CTNND2: variants seen among roughly 807,000 people sequenced by gnomAD.
The protein encoded by CTNND2 is catenin delta-2.
A neutral mutation model predicts 144.4 loss-of-function variants in CTNND2; 22 were observed. The ratio of observed to expected loss-of-function variants is 0.15; its 90% confidence interval spans 0.11 to 0.22. The LOEUF (loss-of-function observed/expected upper bound fraction) is 0.22. Ranked by LOEUF, CTNND2 falls within the 10% of genes least tolerant of loss-of-function variation. The pLI is 1.00. For synonymous variants in CTNND2, 751 were observed against 695.6 expected (o/e 1.08, Z -1.25); for missense variants, 1,353 against 1,618.8 (o/e 0.84, Z 2.82).
chr5:11,479,564 T>C (rs900742024), intron 3 of CTNND2, among the ~76,000 whole-genome samples: 1 of 152,200 alleles, frequency 6.6e-6, no homozygotes, highest in African/African-American at 2.4e-5. Flanking sequence ...AGCTCTTTGA[T>C]GAATTGCCAC....
chr5:11,667,006 G>C (rs1313765331), intron 2 of CTNND2, among the ~76,000 whole-genome samples: 1 of 151,950 alleles, frequency 6.6e-6, no homozygotes, highest in East Asian at 1.9e-4. Flanking sequence ...TTAGGAGTGA[G>C]AACATGCAGT....
chr5:11,606,436 A>G (rs1049962553), intron 2 of CTNND2, among the ~76,000 whole-genome samples: 5 of 152,180 alleles, frequency 3.3e-5, no homozygotes, highest in African/African-American at 1.2e-4. Flanking sequence ...GCAGTAAGGG[A>G]AAGAGACACA....
At chr5:11,866,714 C>T (rs962364106) in intron 1 of CTNND2, among the ~76,000 whole-genome samples, 1 of 152,212 alleles carries the variant, frequency 6.6e-6, no homozygotes, top group African/African-American at 2.4e-5. Flanking sequence ...AATGTAATCA[C>T]CTTTCCCATG....
intron 3 of CTNND2, among the ~76,000 whole-genome samples, chr5:11,506,707 G>A (rs26162): frequency 0.4 from 60,242 of 151,958 alleles, 12,200 homozygotes; most frequent in South Asian, 0.46. Flanking sequence ...AACATTTATT[G>A]TAAACACTAT....
chr5:11,643,726 TGA>T (rs954993543), intron 2 of CTNND2, among the ~76,000 whole-genome samples: 7 of 152,150 alleles, frequency 4.6e-5, no homozygotes, highest in African/African-American at 1.4e-4. Flanking sequence ...CTTATTATTG[TGA>T]GAGACCAAAA....
At chr5:11,438,040 A>G (rs1451376127) in intron 3 of CTNND2, among the ~76,000 whole-genome samples, 1 of 152,202 alleles carries the variant, frequency 6.6e-6, no homozygotes, top group Non-Finnish European at 1.5e-5. Flanking sequence ...GAAGAACCTG[A>G]TGATCTAACC....
intron 11 of CTNND2, among the ~76,000 whole-genome samples, chr5:11,198,991 T>C (rs1228956675): frequency 6.6e-6 from 1 of 152,260 alleles, no homozygotes; most frequent in African/African-American, 2.4e-5. Flanking sequence ...TAATATGTAA[T>C]AATTGTGACT....
intron 12 of CTNND2, among the ~76,000 whole-genome samples, chr5:11,128,402 A>G (rs141938074): frequency 6.6e-6 from 1 of 152,178 alleles, no homozygotes; most frequent in Non-Finnish European, 1.5e-5. Context: ...AAGGAGAACG[A>G]TCCCACCAGC....
chr5:11,187,141 C>T (rs1288652264), intron 11 of CTNND2, among the ~76,000 whole-genome samples: 1 of 152,062 alleles, frequency 6.6e-6, no homozygotes. Flanking sequence ...TACTCTGTGA[C>T]AAAGGTAATA....
chr5:11,834,258 G>A (rs1794055987), intron 1 of CTNND2, among the ~76,000 whole-genome samples: 1 of 152,150 alleles, frequency 6.6e-6, no homozygotes, highest in South Asian at 2.1e-4. Flanking sequence ...TAAATGCAAA[G>A]TAACATCATA....
intron 3 of CTNND2, among the ~76,000 whole-genome samples, chr5:11,457,601 C>T (rs1765846243): frequency 6.6e-6 from 1 of 152,114 alleles, no homozygotes; most frequent in Admixed American, 6.5e-5. Context: ...AATCTGTATA[C>T]TCCTTGATTC....
chr5:11,180,137 G>T (rs141345052), intron 11 of CTNND2, among the ~76,000 whole-genome samples: 1 of 152,120 alleles, frequency 6.6e-6, no homozygotes, highest in African/African-American at 2.4e-5. Flanking sequence ...TGCATCATGG[G>T]GGGTGGTTTC....
chr5:11,701,611 T>C (rs527600341), intron 2 of CTNND2, among the ~76,000 whole-genome samples: 5 of 152,292 alleles, frequency 3.3e-5, no homozygotes, highest in Non-Finnish European at 1.5e-5. Flanking sequence ...CTTCATTTAC[T>C]ATAACCTAGT....
chr5:10,977,939 G>T (rs751276564), intron 21 of CTNND2, among the ~76,000 whole-genome samples: 2 of 152,186 alleles, frequency 1.3e-5, no homozygotes, highest in African/African-American at 4.8e-5. Context: ...TGGTGCAGGC[G>T]TCTCTTTCTC....
chr5:11,557,010 T>G (rs1776285644), intron 3 of CTNND2, among the ~76,000 whole-genome samples: 1 of 152,182 alleles, frequency 6.6e-6, no homozygotes. Flanking sequence ...ACAGATTAGC[T>G]TTTGAGTACG....
intron 3 of CTNND2, among the ~76,000 whole-genome samples, chr5:11,543,606 G>A (rs1774950757): frequency 6.7e-6 from 1 of 150,006 alleles, no homozygotes; most frequent in Non-Finnish European, 1.5e-5. Context: ...TGAATTGCAT[G>A]GCATATACAT....
chr5:11,377,107 A>G (rs1175579677), intron 7 of CTNND2, among the ~76,000 whole-genome samples: 1 of 151,418 alleles, frequency 6.6e-6, no homozygotes, highest in Non-Finnish European at 1.5e-5. Flanking sequence ...CTGGAGTGCA[A>G]TGGCACGATC....
chr5:11,796,619 G>T (rs1791416011), intron 1 of CTNND2, among the ~76,000 whole-genome samples: 1 of 151,924 alleles, frequency 6.6e-6, no homozygotes, highest in African/African-American at 2.4e-5. Flanking sequence ...TCAAACATAA[G>T]CATTTGCCCA....
chr5:11,302,552 G>C (rs1366677560), intron 9 of CTNND2, among the ~76,000 whole-genome samples: 1 of 152,186 alleles, frequency 6.6e-6, no homozygotes, highest in Non-Finnish European at 1.5e-5. Flanking sequence ...GTGGGATTAA[G>C]AATTGAGCAC....
Sources: allele counts gnomAD v4.1 joint callset (sites outside exome capture counted in the v4.1 genomes callset), GRCh38; gene constraint gnomAD v4.1.1; transcripts MANE v1.5; gene names NCBI Gene and HGNC (gene_info 2026-07-23, HGNC 2026-07-21).